The following PCDHGA1 variants were observed in gnomAD, a reference collection of about 807,000 sequenced individuals.
PCDHGA1 encodes the protein protocadherin gamma subfamily A, 1, also known as protocadherin gamma-A1.
In PCDHGA1, 32 loss-of-function variants were observed where a neutral mutation model predicts 58.0. That is an observed-to-expected ratio of 0.55 (90% CI 0.42 to 0.74). PCDHGA1 has a LOEUF of 0.74. Ranked by LOEUF, PCDHGA1 falls within the 30% of genes least tolerant of loss-of-function variation. The probability of loss-of-function intolerance (pLI) is 0.00; values close to 1 mark genes in which losing one functional copy is unlikely to be tolerated. For synonymous variants in PCDHGA1, 498 were observed against 501.1 expected (o/e 0.99, Z 0.08); for missense variants, 1,205 against 1,182.3 (o/e 1.02, Z -0.28).
intron 1 of PCDHGA1, chr5:141,357,299 T>C (rs776226877): frequency 1.1e-5 from 18 of 1,613,846 alleles, no homozygotes; most frequent in Non-Finnish European, 1.1e-5. Flanking sequence ...GTGGCCGCTG[T>C]CTCCTGCGTC....
chr5:141,376,393 C>T, intron 1 of PCDHGA1: 1 of 1,614,222 alleles, frequency 6.2e-7, no homozygotes, highest in Non-Finnish European at 8.5e-7. Context: ...ATCTGATTTT[C>T]CCCCAGCCCA....
intron 1 of PCDHGA1, chr5:141,374,378 A>C: frequency 6.2e-7 from 1 of 1,614,038 alleles, no homozygotes; most frequent in Non-Finnish European, 8.5e-7. Context: ...CTGTGCTCAG[A>C]GCCCGCGGTG....
intron 3 of PCDHGA1, among the ~76,000 whole-genome samples, chr5:141,507,803 G>GAC (rs2099863701): frequency 6.6e-6 from 1 of 152,228 alleles, no homozygotes; most frequent in Admixed American, 6.5e-5. Flanking sequence ...CCTGCGCCCT[G>GAC]GGGAACGGAC....
chr5:141,478,774 G>T (rs1019315910), intron 1 of PCDHGA1: 1 of 1,496,268 alleles, frequency 6.7e-7, no homozygotes, highest in African/African-American at 1.4e-5. Flanking sequence ...ACTCATCTGT[G>T]GACCTAATTC....
intron 1 of PCDHGA1, chr5:141,339,521 A>G (rs1318730422): frequency 6.2e-7 from 1 of 1,614,156 alleles, no homozygotes; most frequent in African/African-American, 1.3e-5. Context: ...GGACGTGCGA[A>G]GGGGAGCTGA....
chr5:141,418,125 G>A (rs765373450), intron 1 of PCDHGA1: 2 of 1,614,086 alleles, frequency 1.2e-6, no homozygotes, highest in Middle Eastern at 1.7e-4. Flanking sequence ...GTGAAGGACC[G>A]AATAGACCGT....
chr5:141,504,541 C>G (rs1050153403), intron 2 of PCDHGA1, among the ~76,000 whole-genome samples: 2 of 151,728 alleles, frequency 1.3e-5, no homozygotes, highest in Non-Finnish European at 2.9e-5. Context: ...GTCATCATGG[C>G]AAATGTTGGG....
At chr5:141,372,599 T>C (rs1768901288) in intron 1 of PCDHGA1, 1 of 1,613,920 alleles carries the variant, frequency 6.2e-7, no homozygotes, top group Non-Finnish European at 8.5e-7. Context: ...GCTTCAAGAC[T>C]GTACCTGGAG....
chr5:141,430,521 A>G, intron 1 of PCDHGA1: 1 of 350,390 alleles, frequency 2.9e-6, no homozygotes, highest in Non-Finnish European at 5.1e-6. Context: ...TTGTGCAGTA[A>G]TTGGTTAGGA....
At chr5:141,484,176 A>G (rs1044076131) in intron 1 of PCDHGA1, among the ~76,000 whole-genome samples, 1 of 152,236 alleles carries the variant, frequency 6.6e-6, no homozygotes, top group East Asian at 1.9e-4. Context: ...GCTGATCTCA[A>G]TCATTCAAGG....
At chr5:141,382,689 T>C in intron 1 of PCDHGA1, 3 of 445,878 alleles carry the variant, frequency 6.7e-6, no homozygotes, top group African/African-American at 2.0e-5. Flanking sequence ...CAGGGAAAAA[T>C]GGTGCGAGAG....
chr5:141,466,812 G>A (rs1394979761), intron 1 of PCDHGA1, among the ~76,000 whole-genome samples: 3 of 151,940 alleles, frequency 2.0e-5, no homozygotes, highest in Non-Finnish European at 4.4e-5. Flanking sequence ...ATTCAGACAT[G>A]GTATAACAAG....
chr5:141,361,541 C>CCA (rs1554077800), intron 1 of PCDHGA1: 4 of 1,613,956 alleles, frequency 2.5e-6, no homozygotes, highest in Non-Finnish European at 1.7e-6. Context: ...CCTCCTGGCG[C>CCA]CTCTATCGCT....
intron 1 of PCDHGA1, among the ~76,000 whole-genome samples, chr5:141,474,114 C>T (rs940809934): frequency 2.6e-5 from 4 of 152,224 alleles, no homozygotes; most frequent in South Asian, 2.1e-4. Context: ...ACAACAACAA[C>T]GAAAATCTCA....
intron 2 of PCDHGA1, among the ~76,000 whole-genome samples, chr5:141,499,689 CTTTTTT>C (rs545067566): frequency 3.3e-5 from 4 of 119,854 alleles, no homozygotes; most frequent in Admixed American, 8.7e-5. Flanking sequence ...TAACAGATGA[CTTTTTT>C]TTTTTTTTTT....
At chr5:141,453,379 C>T (rs980792532) in intron 1 of PCDHGA1, among the ~76,000 whole-genome samples, 1 of 152,050 alleles carries the variant, frequency 6.6e-6, no homozygotes, top group Non-Finnish European at 1.5e-5. Context: ...AGTGATCCTC[C>T]TGCCTTAGCC....
In PCDHGA1 at chr5:141,448,129, C is replaced by A. The variant is rs116387986; in HGVS notation, c.2422-46678C>A. On this transcript the variant is annotated intron_variant, in intron 1 of 3. Coordinates refer to ENST00000517417, the MANE Select transcript of PCDHGA1 (RefSeq NM_018912.3). Reference sequence around the variant, plus strand: ...AGAAAAGAAAATTAGCCTCCCCCACCCTCACTATACCTCAGACTCACCCCT... The same window carrying A: ...AGAAAAGAAAATTAGCCTCCCCCACACTCACTATACCTCAGACTCACCCCT... 4.4e-3 allele frequency among the ~76,000 whole-genome samples: 671 copies of A among 152,002 alleles called. 4 individuals carry two copies. Among genetic ancestry groups the A allele is most frequent in the African/African-American group, 0.015 (612 of 41,466 alleles).
At chr5:141,433,034 C>T in intron 1 of PCDHGA1, 1 of 1,614,184 alleles carries the variant, frequency 6.2e-7, no homozygotes. Flanking sequence ...CGAGGTTTCC[C>T]TCACCACGGA....
At chr5:141,362,958 G>GA (rs1467174022) in intron 1 of PCDHGA1, among the ~76,000 whole-genome samples, 3 of 152,188 alleles carry the variant, frequency 2.0e-5, no homozygotes, top group Admixed American at 6.5e-5. Context: ...TGGAAATTGG[G>GA]AAACAAAGAA....
Sources: allele counts gnomAD v4.1 joint callset (sites outside exome capture counted in the v4.1 genomes callset), GRCh38; gene constraint gnomAD v4.1.1; transcripts MANE v1.5; gene names NCBI Gene and HGNC (gene_info 2026-07-23, HGNC 2026-07-21).